ZNF230: variants seen among roughly 807,000 people sequenced by gnomAD.
ZNF230 encodes zinc finger protein FDZF2.
Under a neutral mutation model 10.0 loss-of-function variants are expected in ZNF230, and 12 were observed. The ratio of observed to expected loss-of-function variants is 1.20; its 90% CI spans 0.77 to 1.95. The LOEUF is 1.95. Among genes scored for constraint, ZNF230 ranks in the 30% most tolerant of loss-of-function variants. The pLI, the probability that ZNF230 is intolerant of heterozygous loss-of-function variation, is 0.00. For synonymous variants in ZNF230, 174 were observed against 193.6 expected (o/e 0.90, Z 0.84); for missense variants, 532 against 565.8 (o/e 0.94, Z 0.61).
intron 1 of ZNF230, chr19:44,004,420 A>G (rs1976101042): frequency 6.6e-6 from 1 of 152,202 alleles, no homozygotes; most frequent in South Asian, 2.1e-4. Flanking sequence ...AGAAAATTTT[A>G]AATATTGCTA....
rs763664963 is a variant in ZNF230, at chr19:44,010,440, A to G, written c.401A>G (p.His134Arg). 7 of 1,614,112 alleles carry G rather than the reference A, an allele frequency of 4.3e-6. No individual in the cohort carries two copies. The highest frequency in any genetic ancestry group is 5.9e-6 in the Non-Finnish European group (7 of 1,180,038). Residue 134 changes from histidine (H) to arginine (R), a missense_variant, in exon 5 of 5, where the codon CAT (histidine) becomes CGT (arginine). By Grantham distance (29) the His-to-Arg change is conservative (BLOSUM62 0). Transcript: ENST00000429154. ...SQVEAGLSII[H>R]TGQKPSQNGK... ...GTTGAGGCAGGACTATCTATAATTC[A>G]TACAGGACAGAAACCTTCACAGAAT...
At chr19:44,004,745 A>AAG (rs61615568) in intron 1 of ZNF230, 8 of 150,606 alleles carry the variant, frequency 5.3e-5, no homozygotes, top group Admixed American at 5.3e-4. Context: ...AAAAAAAAAA[A>AAG]GAATAAACTA....
chr19:44,003,658 G>GT, intron 1 of ZNF230: 1 of 209,962 alleles, frequency 4.8e-6, no homozygotes. Context: ...TGCAGTCAGG[G>GT]TATTTCACAA....
intron 1 of ZNF230, among the ~76,000 whole-genome samples, chr19:44,006,369 C>T (rs752885131): frequency 2.6e-5 from 4 of 152,180 alleles, no homozygotes; most frequent in Non-Finnish European, 5.9e-5. Flanking sequence ...TAGTTCTCTT[C>T]ATTTATTCAT....
rs1374100245 is a variant in ZNF230, at chr19:44,011,029, C to T, written c.990C>T (p.His330=). The change falls in exon 5 of 5, where the codon CAC becomes CAT. Residue 330 remains histidine, a synonymous_variant. Coordinates refer to ENST00000429154, the MANE Select transcript of ZNF230 (RefSeq NM_006300.4). Reference sequence around the variant, plus strand: ...ATTTGCATAAGCATCAGATAATTCACACAGGACAGAAACCGTACAATTGTA... The same window carrying T: ...ATTTGCATAAGCATCAGATAATTCATACAGGACAGAAACCGTACAATTGTA... The part of the protein sequence containing the change: ...SLDLHKHQII[H]TGQKPYNCKE... The T allele has an allele frequency of 1.9e-6, 3 of 1,614,078 alleles. No homozygotes were observed. The African/African-American group carries it at 4.0e-5, about 22-fold the overall frequency.
At chr19:44,008,767 G>T in intron 2 of ZNF230, 23 bp from the exon 3 acceptor site, 1 of 1,612,318 alleles carries the variant, frequency 6.2e-7, no homozygotes, top group Non-Finnish European at 8.5e-7. Context: ...TAGGATTGAG[G>T]TTATGTATCC....
chr19:44,012,280 T>C lies in ZNF230; in HGVS notation c.*816T>C. The C allele has an allele frequency of 2.2e-6, 1 of 447,146 alleles. No homozygotes were observed. 27.7% of individuals were successfully genotyped at this position (447,146 alleles called of 1,614,324 possible). The stretch of plus-strand genomic sequence containing the variant: ...GTGTGTGATAAAGTCTCTGCTCAGT[T>C]GTCTATAATCTCATTTGAGAGTTCA... On this transcript the variant is annotated 3_prime_UTR_variant, in exon 5 of 5. Transcript: ENST00000429154.
At chr19:44,009,303 G>A (rs1425452349) in intron 4 of ZNF230, 133 bp downstream of exon 4, 1 of 1,011,724 alleles carries the variant, frequency 9.9e-7, no homozygotes, top group Non-Finnish European at 1.5e-6. Context: ...ACCCCTTTCT[G>A]GCTGGTGGTC....
In ZNF230 at chr19:44,010,829, G is replaced by T; in HGVS notation, c.790G>T (p.Asp264Tyr). ...CEKCGRAFIH[D>Y]FQLQKHQIIH... is the part of the protein sequence containing the mutation. ...GAAATGTGGGAGGGCCTTCATTCAC[G>T]ATTTCCAGCTTCAGAAACATCAGAT... Residue 264 changes from aspartate to tyrosine, a missense_variant, in exon 5 of 5, where the codon GAT becomes TAT. Transcript: ENST00000429154. 5 of 1,614,198 alleles carry T rather than the reference G, an allele frequency of 3.1e-6. No homozygotes were observed. The highest frequency in any genetic ancestry group is 1.3e-5 in the African/African-American group (1 of 75,048).
chr19:44,008,924 C>A lies in ZNF230; in HGVS notation c.142+8C>A. Reference sequence around the variant, plus strand: ...CGAACCTGCTGTCAGTGGGTGAGCACAGGCACCCTCTGTAATGGTACATCA... The same window carrying A: ...CGAACCTGCTGTCAGTGGGTGAGCAAAGGCACCCTCTGTAATGGTACATCA... On this transcript the variant is annotated splice_region_variant and intron_variant, in intron 3 of 4. Coordinates refer to ENST00000429154, the MANE Select transcript of ZNF230 (RefSeq NM_006300.4). The A allele has an allele frequency of 6.2e-7, 1 of 1,613,380 alleles. No homozygotes were observed. The highest frequency in any genetic ancestry group is 8.5e-7 in the Non-Finnish European group (1 of 1,179,548).
In ZNF230 at chr19:44,007,205, G is replaced by A. The variant is rs572908069; in HGVS notation, c.15+112G>A. 4.3e-4 allele frequency: 420 copies of A among 982,614 alleles called. No homozygotes were observed. The African/African-American group carries it at 6.3e-3, about 15-fold the overall frequency. The allele number at this position is 982,614 out of a possible 1,614,324, so 60.9% of individuals were successfully genotyped here. ...AGGAGGAAATGGGCATTTGGGACCT[G>A]TTGTGTGCCAGTTGCTTCCTTTGTC... On this transcript the variant is annotated intron_variant, in intron 2 of 4. Coordinates refer to ENST00000429154, the MANE Select transcript of ZNF230 (RefSeq NM_006300.4).
chr19:44,007,120 T>G, intron 2 of ZNF230, 27 bp downstream of exon 2: 1 of 1,600,840 alleles, frequency 6.2e-7, no homozygotes, highest in Non-Finnish European at 8.5e-7. Flanking sequence ...TCTCTTGCTA[T>G]TAAAATTCCA....
chr19:44,003,283 C>G (rs928749954), intron 1 of ZNF230, 176 bp downstream of exon 1: 2 of 152,286 alleles, frequency 1.3e-5, no homozygotes, highest in Admixed American at 1.3e-4. Context: ...CCTGTGCGAC[C>G]GCTTTCTCGC....
Position 44,010,557 on chromosome 19 carries a change from G to A in ZNF230, c.518G>A (p.Cys173Tyr). 1 of 1,614,234 alleles carries A rather than the reference G, an allele frequency of 6.2e-7. No homozygotes were observed. The highest frequency in any genetic ancestry group is 1.1e-5 in the South Asian group (1 of 91,082). ...GAGAAGTCTCATACATGCAATGAGT[G>A]TGGAAAAAGCTTCTGTTACATCTCA... Reference protein sequence around the residue: ...SGEKSHTCNECGKSFCYISAL... With the variant: ...SGEKSHTCNEYGKSFCYISAL... Residue 173 changes from cysteine to tyrosine, a missense_variant, in exon 5 of 5, where the codon TGT becomes TAT. By Grantham distance (194) the Cys-to-Tyr change is radical. Transcript: ENST00000429154.
chr19:44,007,720 T>C (rs1326835747), intron 2 of ZNF230, among the ~76,000 whole-genome samples: 1 of 152,216 alleles, frequency 6.6e-6, no homozygotes, highest in Non-Finnish European at 1.5e-5. Flanking sequence ...CTCACATCTG[T>C]GGAGGGGTGG....
At position 44,011,420 on chromosome 19, in the gene ZNF230, T is replaced by C; in HGVS notation, c.1381T>C (p.Leu461=). 6.2e-7 allele frequency: 1 copy of C among 1,606,530 alleles called. No individual in the cohort carries two copies. ...EDCGKRYKRR[L]NLDIILSLFL... is the part of the protein sequence containing the mutation. The stretch of plus-strand genomic sequence containing the variant: ...CTGTGGGAAGCGCTACAAGAGGCGC[T>C]TGAATCTGGATATAATTTTATCATT... The change falls in exon 5 of 5, where the codon TTG becomes CTG. Residue 461 remains leucine, a synonymous_variant. Coordinates refer to ENST00000429154, the MANE Select transcript of ZNF230 (RefSeq NM_006300.4).
Position 44,011,509 on chromosome 19 carries a change from A to G in ZNF230, c.*45A>G. ...TATGGTATGAAATTTTAATATGTGT[A>G]TATAATACGTAATGATCAAATTGAT... On this transcript the variant is annotated 3_prime_UTR_variant, in exon 5 of 5. Coordinates refer to ENST00000429154, the MANE Select transcript of ZNF230 (RefSeq NM_006300.4). 32 of 1,470,558 alleles carry G rather than the reference A, an allele frequency of 2.2e-5. No homozygotes were observed. The highest frequency in any genetic ancestry group is 2.9e-5 in the Non-Finnish European group (32 of 1,089,874). The allele number at this position is 1,470,558 out of a possible 1,614,324, so 91.1% of individuals were successfully genotyped here.
Position 44,009,186 on chromosome 19 carries a change from C to T in ZNF230, c.229+16C>T, listed in dbSNP as rs1976150476. 6.2e-7 allele frequency: 1 copy of T among 1,612,398 alleles called. No individual in the cohort carries two copies. The highest frequency in any genetic ancestry group is 8.5e-7 in the Non-Finnish European group (1 of 1,178,500). On this transcript the variant is annotated intron_variant, in intron 4 of 4. Transcript: ENST00000429154. ...GGAAATTCAGGTAAGAAGCAAGCAA[C>T]TGTGTGTCCTTGTACATGACTTTCT...
In ZNF230 at chr19:44,010,847, C is replaced by T. The variant is rs533842138; in HGVS notation, c.808C>T (p.His270Tyr). Residue 270 changes from histidine to tyrosine, a missense_variant, in exon 5 of 5, where the codon CAT becomes TAT. By Grantham distance (83) the His-to-Tyr change is moderately conservative. Transcript: ENST00000429154. ...AFIHDFQLQKHQIIHTGEKPF... is the reference protein window; with the variant it reads ...AFIHDFQLQKYQIIHTGEKPF... ...CATTCACGATTTCCAGCTTCAGAAA[C>T]ATCAGATAATTCATACTGGGGAGAA... 103 of 1,614,198 alleles carry T rather than the reference C, an allele frequency of 6.4e-5. 1 individual carries two copies. In the South Asian group the frequency reaches 1.0e-3, roughly 16 times the overall value.
Sources: allele counts gnomAD v4.1 joint callset (sites outside exome capture counted in the v4.1 genomes callset), GRCh38; gene constraint gnomAD v4.1.1; transcripts MANE v1.5; gene names NCBI Gene and HGNC (gene_info 2026-07-23, HGNC 2026-07-21).